SMPX: variants seen among roughly 807,000 people sequenced by gnomAD.
The protein encoded by SMPX is small muscular protein.
SMPX carries 2 observed loss-of-function variants against 6.3 expected under a neutral mutation model. That is an observed-to-expected ratio of 0.32 (90% CI 0.13 to 0.99). The LOEUF (loss-of-function observed/expected upper bound fraction) is 0.99. Ranked by LOEUF, SMPX falls within the 50% of genes least tolerant of loss-of-function variation. The pLI is 0.49. For missense variants in SMPX, 60 were observed against 66.8 expected, an observed-to-expected ratio of 0.90 and a Z score of 0.36; for synonymous variants, 32 against 24.7, an observed-to-expected ratio of 1.30 and a Z score of -0.88.
At chrX:21,739,544 C>T (rs992877003) in intron 3 of SMPX, among the ~76,000 whole-genome samples, 4 of 112,327 alleles carry the variant, frequency 3.6e-5, no homozygotes, top group Non-Finnish European at 7.5e-5. Flanking sequence ...GTCATGCACA[C>T]ACATTTATCA....
chrX:21,739,038 ATAAG>A (rs2092813524), intron 3 of SMPX, among the ~76,000 whole-genome samples: 1 of 111,085 alleles, frequency 9.0e-6, no homozygotes, highest in South Asian at 3.9e-4. Flanking sequence ...GGGAAAAGAA[ATAAG>A]TAACTGCATG....
chrX:21,744,512 A>C (rs897213502), intron 2 of SMPX, among the ~76,000 whole-genome samples: 2 of 112,106 alleles, frequency 1.8e-5, no homozygotes, highest in African/African-American at 6.5e-5. Context: ...AAATACCTTC[A>C]TGACATCCTC....
chrX:21,719,638 T>A (rs909090297), intron 4 of SMPX, among the ~76,000 whole-genome samples: 1 of 112,160 alleles, frequency 8.9e-6, no homozygotes, highest in African/African-American at 3.2e-5. Context: ...AAAGCTAAGA[T>A]GTATCACTCA....
intron 3 of SMPX, among the ~76,000 whole-genome samples, chrX:21,738,733 C>CT (rs751071589): frequency 2.7e-5 from 3 of 111,062 alleles, no homozygotes; most frequent in Non-Finnish European, 5.7e-5. Flanking sequence ...TAGCCAATGA[C>CT]TGAGTGCGAC....
chrX:21,715,303 T>TGTGTGTGTGCGCGC (rs1175730294), intron 4 of SMPX, among the ~76,000 whole-genome samples: 7 of 86,074 alleles, frequency 8.1e-5, no homozygotes, highest in African/African-American at 4.2e-4. Context: ...TGTGTGTGTG[T>TGTGTGTGTGCGCGC]GCGCGCACGC....
intron 4 of SMPX, among the ~76,000 whole-genome samples, chrX:21,714,146 A>AG (rs1202158761): frequency 6.3e-5 from 7 of 111,860 alleles, no homozygotes; most frequent in African/African-American, 1.9e-4. Flanking sequence ...GGAGAGGAAA[A>AG]GGGGGGAAAA....
chrX:21,712,843 T>C (rs748411600), intron 4 of SMPX, among the ~76,000 whole-genome samples: 4 of 112,630 alleles, frequency 3.6e-5, no homozygotes, highest in Non-Finnish European at 7.5e-5. Flanking sequence ...ATTCAAGGCA[T>C]AGAGACAATG....
chrX:21,712,486 G>C lies in SMPX; in HGVS notation c.*15-6092C>G, dbSNP rs757320515. Among the ~76,000 whole-genome samples the C allele has an allele frequency of 2.7e-5, 3 of 111,255 alleles. No homozygotes were observed. In the Admixed American group the frequency reaches 2.9e-4, roughly 11 times the overall value. ...ATTAATCCTATTGTATTGAGAGTTT[G>C]TTATATTGGATATCAACTCAGAGTT... On this transcript the variant is annotated intron_variant, in intron 4 of 4. Transcript: ENST00000379494.
chrX:21,731,473 C>T (rs56033906), intron 4 of SMPX, among the ~76,000 whole-genome samples: 5 of 80,776 alleles, frequency 6.2e-5, no homozygotes, highest in Non-Finnish European at 1.0e-4. Flanking sequence ...TATGTGTACA[C>T]ATACACATTA....
chrX:21,740,140 T>C (rs1282044239), intron 3 of SMPX, among the ~76,000 whole-genome samples: 1 of 111,978 alleles, frequency 8.9e-6, no homozygotes, highest in Non-Finnish European at 1.9e-5. Flanking sequence ...GGGTTAATGG[T>C]GCATTTTCTT....
At chrX:21,751,101 G>C (rs996367371) in intron 2 of SMPX, among the ~76,000 whole-genome samples, 2 of 111,987 alleles carry the variant, frequency 1.8e-5, no homozygotes, top group African/African-American at 6.5e-5. Context: ...ACCCAAGCCA[G>C]ACAAACTAGA....
In SMPX at chrX:21,730,537, A is replaced by T. The variant is rs1159230210; in HGVS notation, c.*14+7012T>A. Among the ~76,000 whole-genome samples, 3 of 112,183 alleles carry T rather than the reference A, an allele frequency of 2.7e-5. No homozygotes were observed. In the Admixed American group the frequency reaches 2.8e-4, roughly 11 times the overall value. ...AAAATACATCTCCCTAACCCTTCAC[A>T]ACTACTGATTGAGAGAGGTGCCATT... On this transcript the variant is annotated intron_variant, in intron 4 of 4. Transcript: ENST00000379494.
chrX:21,723,789 A>C (rs756345071), intron 4 of SMPX, among the ~76,000 whole-genome samples: 1 of 111,611 alleles, frequency 9.0e-6, no homozygotes, highest in South Asian at 3.8e-4. Flanking sequence ...TCACATAGTA[A>C]AAAAAGGGTG....
intron 1 of SMPX, among the ~76,000 whole-genome samples, chrX:21,757,545 T>G (rs767215460): frequency 2.0e-4 from 22 of 112,208 alleles, no homozygotes; most frequent in Admixed American, 7.5e-4. Context: ...ATTTGCATTT[T>G]GGTAAATAAA....
rs750360325 is a variant in SMPX at position 21,733,538 on chromosome X, G to A, written c.*14+4011C>T. 3 of 248,006 alleles carry A rather than the reference G, an allele frequency of 1.2e-5. No homozygotes were observed. The South Asian group carries it at 1.3e-4, about 11-fold the overall frequency. 20.4% of individuals were successfully genotyped at this position (248,006 alleles called of 1,213,427 possible). Reference sequence around the variant, plus strand: ...CTGCAATGTCCAACACAGACAGAAGGGATTCTTGAAACTTCAGAAGGAGAA... The same window carrying A: ...CTGCAATGTCCAACACAGACAGAAGAGATTCTTGAAACTTCAGAAGGAGAA... On this transcript the variant is annotated intron_variant, in intron 4 of 4. Transcript: ENST00000379494.
chrX:21,715,462 G>A (rs762621352), intron 4 of SMPX, among the ~76,000 whole-genome samples: 24 of 111,348 alleles, frequency 2.2e-4, no homozygotes, highest in African/African-American at 6.2e-4. Flanking sequence ...CTGGAAGTGC[G>A]ATCAGTAATT....
chrX:21,713,986 T>G (rs1478731744), intron 4 of SMPX, among the ~76,000 whole-genome samples: 1 of 112,301 alleles, frequency 8.9e-6, no homozygotes, highest in Non-Finnish European at 1.9e-5. Flanking sequence ...CTTGATGAAT[T>G]TTTTTACCAT....
chrX:21,751,250 G>A (rs2092827185), intron 2 of SMPX, among the ~76,000 whole-genome samples: 1 of 112,305 alleles, frequency 8.9e-6, no homozygotes. Context: ...TTAGCAAGTT[G>A]TGGACTCTGA....
chrX:21,747,121 G>T (rs1364655122), intron 2 of SMPX, among the ~76,000 whole-genome samples: 1 of 111,607 alleles, frequency 9.0e-6, no homozygotes, highest in Non-Finnish European at 1.9e-5. Flanking sequence ...AACAGAAAAT[G>T]TTTAACACCA....
Sources: gnomAD v4.1 joint callset for allele counts (sites outside exome capture counted in the v4.1 genomes callset) on GRCh38, gnomAD v4.1.1 for gene constraint, MANE v1.5 for transcripts, NCBI Gene and HGNC (gene_info 2026-07-23, HGNC 2026-07-21) for gene names.